Variants in LRRC8E observed in about 807,000 individuals in gnomAD.
LRRC8E encodes the protein volume-regulated anion channel subunit LRRC8E.
Under a neutral mutation model 6.1 loss-of-function variants are expected in LRRC8E, and 6 were observed. The observed-to-expected ratio is 0.98, with a 90% CI of 0.54 to 1.93. LRRC8E has a LOEUF of 1.93. Ranked by LOEUF, LRRC8E falls within the 30% of genes most tolerant of loss-of-function variation. LRRC8E has a pLI of 0.01. For missense variants in LRRC8E, 1,028 were observed against 1,031.4 expected (o/e 1.00, Z 0.04); for synonymous variants, 485 against 472.8 (o/e 1.03, Z -0.33).
chr19:7,891,233 G>A (rs999938475), intron 1 of LRRC8E, among the ~76,000 whole-genome samples: 1 of 152,182 alleles, frequency 6.6e-6, no homozygotes, highest in Non-Finnish European at 1.5e-5. Flanking sequence ...GAGCGTATAC[G>A]TCCCATCGTT....
chr19:7,898,952 TC>T lies in LRRC8E; in HGVS notation c.432del (p.Lys145ArgfsTer43). The T allele has an allele frequency of 6.2e-7, 1 of 1,614,168 alleles. No individual in the cohort carries two copies. Among genetic ancestry groups the T allele is most frequent in the Non-Finnish European group, 8.5e-7 (1 of 1,180,042 alleles). On this transcript the variant is annotated frameshift_variant, in exon 3 of 3. Coordinates refer to ENST00000306708, the MANE Select transcript of LRRC8E (RefSeq NM_025061.6). LOFTEE classifies it low-confidence loss of function (END_TRUNC). The stretch of plus-strand genomic sequence containing the variant: ...CTGGTTCAAGTTCCCTGGCACCAGC[TC>T]CAAGATTGAACACTTCATCTCCATC... ...SFWFKFPGTS[S>X]KIEHFISILG...
rs1382356955 is a variant in LRRC8E at position 7,895,720 on chromosome 19, G to T, written c.117G>T (p.Gly39=). The T allele has an allele frequency of 6.2e-7, 1 of 1,614,062 alleles. No homozygotes were observed. The highest frequency in any genetic ancestry group is 8.5e-7 in the Non-Finnish European group (1 of 1,179,956). ...TCACCGTGGCCATGCTCATGATTGG[G>T]GTCTTTGGCTGCACCCTCCAGGTGA... The part of the protein sequence containing the change: ...EYLTVAMLMI[G]VFGCTLQVTQ... Residue 39 remains glycine (G), a synonymous_variant, in exon 2 of 3, where the codon GGG becomes GGT. Transcript: ENST00000306708. The surrounding 1 kb of genome is among the most constrained non-coding windows in gnomAD (Gnocchi z 4.7).
intron 1 of LRRC8E, among the ~76,000 whole-genome samples, chr19:7,891,524 G>GGGGTGTGTGT (rs1555697626): frequency 7.9e-6 from 1 of 125,850 alleles, no homozygotes; most frequent in African/African-American, 2.6e-5. Flanking sequence ...TCCCTGCTCG[G>GGGGTGTGTGT]GTGTGTGTGT....
chr19:7,901,017 GA>G lies in LRRC8E; in HGVS notation c.*105del. The G allele has an allele frequency of 9.3e-6, 6 of 641,904 alleles. No homozygotes were observed. The highest frequency in any genetic ancestry group is 1.5e-5 in the Non-Finnish European group (6 of 410,104). The allele number at this position is 641,904 out of a possible 1,614,324, so 39.8% of individuals were successfully genotyped here. A position where few individuals can be genotyped will look rare whatever the true frequency, so the allele number is the denominator to read the frequency against. ...GAAGCCAAGTGGGTCCAGGCCAGGA[GA>G]TGGGGGGGGCGGGGGCAGCTGTGTC... On this transcript the variant is annotated 3_prime_UTR_variant, in exon 3 of 3. Transcript: ENST00000306708.
rs1183357204 is a variant in LRRC8E, at chr19:7,900,313, C to A, written c.1791C>A (p.Ile597=). The change falls in exon 3 of 3, where the codon ATC becomes ATA. Residue 597 remains isoleucine (I), a synonymous_variant. Coordinates refer to ENST00000306708, the MANE Select transcript of LRRC8E (RefSeq NM_025061.6). This position sits in a 1 kb window ranked among gnomAD's most constrained non-coding sequence, Gnocchi z 5.0. ...TGGTGGCCTGCGGGCTGGAGCGCAT[C>A]CCCCATGCAGTGTTCAGCCTGGGTG... ...LELVACGLER[I]PHAVFSLGAL... is the part of the protein sequence containing the mutation. 3.7e-6 allele frequency: 6 copies of A among 1,613,198 alleles called. No individual in the cohort carries two copies. The South Asian group carries it at 5.5e-5, about 15-fold the overall frequency.
Position 7,899,189 on chromosome 19 carries a change from T to C in LRRC8E, c.667T>C (p.Leu223=), listed in dbSNP as rs1981791299. The change falls in exon 3 of 3, where the codon TTG becomes CTG. Residue 223 remains leucine, a synonymous_variant. Transcript: ENST00000306708. ...VVTEPPVVTL[L]DKKEGEQAKA... ...GACCGAGCCTCCAGTTGTCACCCTG[T>C]TGGACAAGAAGGAGGGTGAGCAAGC... is the stretch of plus-strand genomic sequence containing the variant. 1 of 1,614,100 alleles carries C rather than the reference T, an allele frequency of 6.2e-7. No homozygotes were observed. Among genetic ancestry groups the C allele is most frequent in the African/African-American group, 1.3e-5 (1 of 75,024 alleles).
chr19:7,899,866 C>T lies in LRRC8E; in HGVS notation c.1344C>T (p.Cys448=), dbSNP rs761253574. The change falls in exon 3 of 3, where the codon TGC becomes TGT. Residue 448 remains cysteine (C), a synonymous_variant. Coordinates refer to ENST00000306708, the MANE Select transcript of LRRC8E (RefSeq NM_025061.6). Reference sequence around the variant, plus strand: ...AGTCACTCAGGCTGGAGGCCATCTGCGATATCACCTTCCCCCCGGGGCTGT... The same window carrying T: ...AGTCACTCAGGCTGGAGGCCATCTGTGATATCACCTTCCCCCCGGGGCTGT... ...EVESLRLEAI[C]DITFPPGLSQ... 3.7e-6 allele frequency: 6 copies of T among 1,606,308 alleles called. No individual in the cohort carries two copies. Among genetic ancestry groups the T allele is most frequent in the Non-Finnish European group, 3.4e-6 (4 of 1,179,968 alleles).
Position 7,897,182 on chromosome 19 carries a change from T to A in LRRC8E, c.138+1441T>A, listed in dbSNP as rs1219810383. Among the ~76,000 whole-genome samples the A allele has an allele frequency of 5.9e-5, 9 of 151,590 alleles. 1 individual carries two copies. Among genetic ancestry groups the A allele is most frequent in the Admixed American group, 5.9e-4 (9 of 15,206 alleles). On this transcript the variant is annotated intron_variant, in intron 2 of 2. Transcript: ENST00000306708. ...AGTATTTTTCTTTTTCTTTTTCTTT[T>A]TTTTTTAGACAGAGTCTCCCTCTGT...
In LRRC8E at chr19:7,899,977, C is replaced by A. The variant is rs777537086; in HGVS notation, c.1455C>A (p.His485Gln). ...CCTTGCAGGTCTTCCTGCGGGACCA[C>A]CTGAAGGTGATGCGCGTCAAATGCG... ...PFSLQVFLRDHLKVMRVKCEE... is the reference protein window; with the variant it reads ...PFSLQVFLRDQLKVMRVKCEE... Residue 485 changes from histidine to glutamine, a missense_variant, in exon 3 of 3, where the codon CAC becomes CAA. Physicochemically the swap from His to Gln is conservative, Grantham distance 24. Transcript: ENST00000306708. The A allele has an allele frequency of 6.2e-7, 1 of 1,609,634 alleles. No homozygotes were observed.
At chr19:7,888,709 G>T (rs1358722795) in intron 1 of LRRC8E, 109 bp downstream of exon 1, 1 of 152,212 alleles carries the variant, frequency 6.6e-6, no homozygotes, top group African/African-American at 2.4e-5. Flanking sequence ...AGGTGCGCCG[G>T]CCCTGTGGCC....
chr19:7,900,763 C>T lies in LRRC8E; in HGVS notation c.2241C>T (p.Leu747=). 1 of 1,611,066 alleles carries T rather than the reference C, an allele frequency of 6.2e-7. No homozygotes were observed. The highest frequency in any genetic ancestry group is 8.5e-7 in the Non-Finnish European group (1 of 1,178,564). The change falls in exon 3 of 3, where the codon CTC becomes CTT. Residue 747 remains leucine, a synonymous_variant. Coordinates refer to ENST00000306708, the MANE Select transcript of LRRC8E (RefSeq NM_025061.6). The surrounding 1 kb of genome is among the most constrained non-coding windows in gnomAD (Gnocchi z 5.0). The part of the protein sequence containing the change: ...LSPHVGALRA[L]SRLELKGNRL... The stretch of plus-strand genomic sequence containing the variant: ...CCCACGTGGGTGCCCTCAGAGCCCT[C>T]AGCCGCCTGGAGCTCAAAGGCAACC...
intron 1 of LRRC8E, among the ~76,000 whole-genome samples, chr19:7,891,382 T>C (rs561649503): frequency 2.0e-5 from 3 of 152,258 alleles, no homozygotes; most frequent in Admixed American, 6.5e-5. Context: ...GTTTGAGTCA[T>C]GGAGACAGAT....
intron 1 of LRRC8E, among the ~76,000 whole-genome samples, chr19:7,892,810 T>C (rs1981386002): frequency 6.6e-6 from 1 of 152,088 alleles, no homozygotes; most frequent in African/African-American, 2.4e-5. Flanking sequence ...ATATTTGTAG[T>C]CGGGTTTCTT....
At chr19:7,896,246 T>C (rs1430102609) in intron 2 of LRRC8E, among the ~76,000 whole-genome samples, 1 of 148,634 alleles carries the variant, frequency 6.7e-6, no homozygotes, top group African/African-American at 2.5e-5. Flanking sequence ...GACCCTTTCT[T>C]TTTTTTTCTT....
chr19:7,891,547 T>TTG (rs914111723), intron 1 of LRRC8E, among the ~76,000 whole-genome samples: 110 of 91,684 alleles, frequency 1.2e-3, no homozygotes, highest in African/African-American at 2.3e-3. Flanking sequence ...GTGTGTGTGT[T>TTG]TGTGTGTGTG....
chr19:7,892,082 T>C (rs1445890281), intron 1 of LRRC8E, among the ~76,000 whole-genome samples: 1 of 151,398 alleles, frequency 6.6e-6, no homozygotes, highest in Non-Finnish European at 1.5e-5. Context: ...AGATTTTTTT[T>C]TTTTTTTTGA....
Position 7,901,048 on chromosome 19 carries a change from T to G in LRRC8E, c.*135T>G. The G allele has an allele frequency of 5.7e-6, 4 of 703,354 alleles. No homozygotes were observed. The highest frequency in any genetic ancestry group is 2.8e-5 in the East Asian group (1 of 35,804). The allele number at this position is 703,354 out of a possible 1,614,324, so 43.6% of individuals were successfully genotyped here. A position where few individuals can be genotyped will look rare whatever the true frequency, so the allele number is the denominator to read the frequency against. On this transcript the variant is annotated 3_prime_UTR_variant, in exon 3 of 3. Transcript: ENST00000306708. ...GGGGGCGGGGGCAGCTGTGTCATCTTTCTGGGGCCCAGGAGGATCTGGGCT... is the reference window on the plus strand; with the variant it reads ...GGGGGCGGGGGCAGCTGTGTCATCTGTCTGGGGCCCAGGAGGATCTGGGCT...
Position 7,900,113 on chromosome 19 carries a change from C to T in LRRC8E, c.1591C>T (p.Leu531Phe), listed in dbSNP as rs1248406400. 4.3e-6 allele frequency: 7 copies of T among 1,612,798 alleles called. No homozygotes were observed. The South Asian group carries it at 4.4e-5, about 10-fold the overall frequency. The change falls in exon 3 of 3, where the codon CTC (leucine) becomes TTC (phenylalanine). Residue 531 changes from leucine (L) to phenylalanine (F), a missense_variant. Leu to Phe is a conservative substitution (Grantham distance 22). Coordinates refer to ENST00000306708, the MANE Select transcript of LRRC8E (RefSeq NM_025061.6). This position sits in a 1 kb window ranked among gnomAD's most constrained non-coding sequence, Gnocchi z 5.0. Reference sequence around the variant, plus strand: ...AGCTCGGGCAGCCACCCTGGAGAGCCTCCGGGAGCTGAAGCAGCTCAAGGT... The same window carrying T: ...AGCTCGGGCAGCCACCCTGGAGAGCTTCCGGGAGCTGAAGCAGCTCAAGGT... ...ELARAATLES[L>F]RELKQLKVLS...
In LRRC8E at chr19:7,895,565, CT is replaced by C. The variant is rs770938493; in HGVS notation, c.-5-33del. Reference sequence around the variant, plus strand: ...GCAGAGCCTCCCATCCTGAGGGTCTCTCTCTACACCCCCCGTCTCGTCCCGT... The same window carrying C: ...GCAGAGCCTCCCATCCTGAGGGTCTCCTCTACACCCCCCGTCTCGTCCCGT... On this transcript the variant is annotated intron_variant, in intron 1 of 2. Coordinates refer to ENST00000306708, the MANE Select transcript of LRRC8E (RefSeq NM_025061.6). The surrounding 1 kb of genome is among the most constrained non-coding windows in gnomAD (Gnocchi z 4.7). 2 of 1,597,224 alleles carry C rather than the reference CT, an allele frequency of 1.3e-6. No homozygotes were observed. The highest frequency in any genetic ancestry group is 2.7e-5 in the African/African-American group (2 of 74,646).
Sources: gnomAD v4.1 joint callset for allele counts (sites outside exome capture counted in the v4.1 genomes callset) on GRCh38, gnomAD v4.1.1 for gene constraint, Gnocchi (gnomAD v3.1) non-coding constraint, MANE v1.5 for transcripts, NCBI Gene and HGNC (gene_info 2026-07-23, HGNC 2026-07-21) for gene names.